The following DLG2 variants were observed in gnomAD, a reference collection of about 807,000 sequenced individuals.
DLG2 encodes the protein disks large homolog 2.
DLG2 carries 45 observed loss-of-function variants against 132.5 expected under a neutral mutation model. The observed-to-expected ratio is 0.34, with a 90% CI of 0.27 to 0.44. DLG2 has a LOEUF of 0.44. Among genes scored for constraint, DLG2 ranks in the 20% least tolerant of loss-of-function variants. The probability of loss-of-function intolerance (pLI) is 1.00; values close to 1 mark genes in which losing one functional copy is unlikely to be tolerated. For missense variants in DLG2, 1,045 were observed against 1,196.9 expected, an observed-to-expected ratio of 0.87 and a Z score of 1.87; for synonymous variants, 424 against 419.6, an observed-to-expected ratio of 1.01 and a Z score of -0.13.
At chr11:83,521,137 A>G (rs2095470021) in intron 21 of DLG2, among the ~76,000 whole-genome samples, 1 of 152,230 alleles carries the variant, frequency 6.6e-6, no homozygotes, top group Non-Finnish European at 1.5e-5. Context: ...TGTATACTAA[A>G]TAAATATTCA....
chr11:84,794,276 G>A (rs969562333), intron 6 of DLG2, among the ~76,000 whole-genome samples: 5 of 152,156 alleles, frequency 3.3e-5, no homozygotes, highest in African/African-American at 7.2e-5. Flanking sequence ...AGAGTGTAAC[G>A]GGATTGTAAC....
chr11:85,015,797 T>C (rs914315324), intron 6 of DLG2, among the ~76,000 whole-genome samples: 1 of 152,172 alleles, frequency 6.6e-6, no homozygotes, highest in Admixed American at 6.6e-5. Context: ...TCAAGTGTTA[T>C]ATGGAACTTC....
chr11:84,171,558 C>T (rs888399515), intron 8 of DLG2, among the ~76,000 whole-genome samples: 1 of 152,262 alleles, frequency 6.6e-6, no homozygotes. Context: ...AGACTTCATT[C>T]TTTTTTATGG....
chr11:83,584,019 A>G (rs1221191082), intron 19 of DLG2, among the ~76,000 whole-genome samples: 2 of 152,208 alleles, frequency 1.3e-5, no homozygotes, highest in Non-Finnish European at 2.9e-5. Flanking sequence ...TATCCAATGA[A>G]AGGCCAGGCT....
At chr11:85,594,157 A>G (rs1332075425) in intron 3 of DLG2, among the ~76,000 whole-genome samples, 1 of 152,230 alleles carries the variant, frequency 6.6e-6, no homozygotes, top group African/African-American at 2.4e-5. Context: ...GCTATGAGAT[A>G]CAATGAAAGG....
chr11:84,846,371 C>T (rs546793858), intron 6 of DLG2, among the ~76,000 whole-genome samples: 140 of 152,268 alleles, frequency 9.2e-4, no homozygotes, highest in Non-Finnish European at 1.1e-3. Context: ...CTGTTACATA[C>T]GCCTGTAAAC....
chr11:85,484,965 A>G (rs1295818158), intron 3 of DLG2, among the ~76,000 whole-genome samples: 2 of 152,240 alleles, frequency 1.3e-5, no homozygotes, highest in East Asian at 1.9e-4. Flanking sequence ...ATGTCCGACA[A>G]TCATAGACTG....
chr11:84,124,117 T>C (rs1188814825), intron 9 of DLG2, among the ~76,000 whole-genome samples: 10 of 152,252 alleles, frequency 6.6e-5, no homozygotes, highest in Non-Finnish European at 1.5e-4. Context: ...AGGTGATAGA[T>C]GGTATTGTTG....
At chr11:84,578,766 T>C (rs2099509385) in intron 6 of DLG2, among the ~76,000 whole-genome samples, 1 of 152,058 alleles carries the variant, frequency 6.6e-6, no homozygotes, top group African/African-American at 2.4e-5. Flanking sequence ...TGGGAAGCCA[T>C]GACTGGTTTT....
At chr11:85,575,410 C>T (rs562261021) in intron 3 of DLG2, among the ~76,000 whole-genome samples, 2 of 151,898 alleles carry the variant, frequency 1.3e-5, no homozygotes, top group African/African-American at 4.8e-5. Context: ...GTGGTGTGCG[C>T]CTGTGGTCCC....
intron 7 of DLG2, among the ~76,000 whole-genome samples, chr11:84,470,590 A>T (rs1224859689): frequency 6.6e-6 from 1 of 151,794 alleles, no homozygotes; most frequent in Non-Finnish European, 1.5e-5. Context: ...ATCAAAGAAC[A>T]TCATTCCAGT....
chr11:84,645,869 T>C (rs1169726917), intron 6 of DLG2, among the ~76,000 whole-genome samples: 1 of 152,204 alleles, frequency 6.6e-6, no homozygotes, highest in Non-Finnish European at 1.5e-5. Context: ...GTAGAACATA[T>C]TTCCAGTGGG....
intron 6 of DLG2, among the ~76,000 whole-genome samples, chr11:84,729,587 A>C (rs1185016964): frequency 6.6e-6 from 1 of 152,054 alleles, no homozygotes; most frequent in South Asian, 2.1e-4. Context: ...GTTCACCGTA[A>C]TTTCTAAGTC....
At chr11:85,586,510 G>C (rs1591048710) in intron 3 of DLG2, among the ~76,000 whole-genome samples, 1 of 152,290 alleles carries the variant, frequency 6.6e-6, no homozygotes, top group Non-Finnish European at 1.5e-5. Flanking sequence ...GTTCAGAACA[G>C]TCTTGAATGA....
At chr11:83,724,296 G>C (rs1814713299) in intron 18 of DLG2, among the ~76,000 whole-genome samples, 1 of 152,086 alleles carries the variant, frequency 6.6e-6, no homozygotes, top group Admixed American at 6.6e-5. Context: ...CTGGCTCCCT[G>C]GATTAGAACT....
chr11:84,022,984 A>G (rs1381377223), intron 11 of DLG2, among the ~76,000 whole-genome samples: 1 of 152,162 alleles, frequency 6.6e-6, no homozygotes, highest in Non-Finnish European at 1.5e-5. Flanking sequence ...TGAGAATTAA[A>G]GCAGATAATA....
At chr11:85,594,481 C>T (rs1591127047) in intron 3 of DLG2, among the ~76,000 whole-genome samples, 1 of 152,212 alleles carries the variant, frequency 6.6e-6, no homozygotes, top group East Asian at 1.9e-4. Flanking sequence ...CAAAAAATTC[C>T]CCCTCACACA....
intron 15 of DLG2, among the ~76,000 whole-genome samples, chr11:83,906,510 A>G (rs369333010): frequency 6.6e-6 from 1 of 152,136 alleles, no homozygotes; most frequent in Non-Finnish European, 1.5e-5. Flanking sequence ...TCATCCATCT[A>G]TTCCAAAATA....
At chr11:83,577,964 T>A (rs2096907678) in intron 19 of DLG2, among the ~76,000 whole-genome samples, 1 of 136,806 alleles carries the variant, frequency 7.3e-6, no homozygotes, top group Non-Finnish European at 1.6e-5. Context: ...GTATTTATAT[T>A]ATATATAAAT....
Sources: gnomAD v4.1 joint callset for allele counts (sites outside exome capture counted in the v4.1 genomes callset) on GRCh38, gnomAD v4.1.1 for gene constraint, MANE v1.5 for transcripts, NCBI Gene and HGNC (gene_info 2026-07-23, HGNC 2026-07-21) for gene names.